The following TBC1D32 variants were observed in gnomAD, a reference collection of about 807,000 sequenced individuals.
TBC1D32 encodes protein broad-minded.
A neutral mutation model predicts 170.3 loss-of-function variants in TBC1D32; 151 were observed. That is an observed-to-expected ratio of 0.89 (90% CI 0.78 to 1.01). The LOEUF is 1.01. TBC1D32 is among the 50% of genes least tolerant of loss of function. The pLI, the probability that TBC1D32 is intolerant of heterozygous loss-of-function variation, is 0.00. For missense variants in TBC1D32, 1,464 were observed against 1,457.1 expected, an observed-to-expected ratio of 1.00 and a Z score of -0.08; for synonymous variants, 498 against 488.0, an observed-to-expected ratio of 1.02 and a Z score of -0.27.
At chr6:121,272,698 T>C (rs145515253) in intron 15 of TBC1D32, among the ~76,000 whole-genome samples, 4,990 of 152,262 alleles carry the variant, frequency 0.033, 197 homozygotes, top group East Asian at 0.12. Context: ...GAAGACAGTG[T>C]GGCAATTCAT....
At chr6:121,234,393 A>C (rs573303196) in intron 20 of TBC1D32, among the ~76,000 whole-genome samples, 1 of 152,204 alleles carries the variant, frequency 6.6e-6, no homozygotes, top group South Asian at 2.1e-4. Context: ...AGCCTCTTGG[A>C]GGCTTTGTTC....
intron 21 of TBC1D32, among the ~76,000 whole-genome samples, chr6:121,212,201 T>C (rs1793155412): frequency 6.6e-6 from 1 of 151,756 alleles, no homozygotes; most frequent in South Asian, 2.1e-4. Context: ...AAAAGGCCAA[T>C]AACAAGCTCC....
chr6:121,238,028 T>C (rs1796527697), intron 20 of TBC1D32, among the ~76,000 whole-genome samples: 3 of 152,124 alleles, frequency 2.0e-5, no homozygotes, highest in African/African-American at 7.2e-5. Flanking sequence ...CTAACACCTA[T>C]GATAGGTAGC....
chr6:121,298,748 C>G (rs547557812), intron 10 of TBC1D32, among the ~76,000 whole-genome samples: 1 of 152,164 alleles, frequency 6.6e-6, no homozygotes, highest in South Asian at 2.1e-4. Context: ...CTACTGCACT[C>G]AACCAAAAAT....
At chr6:121,229,477 T>G (rs1284706879) in intron 20 of TBC1D32, among the ~76,000 whole-genome samples, 1 of 152,084 alleles carries the variant, frequency 6.6e-6, no homozygotes, top group African/African-American at 2.4e-5. Context: ...CTTCCATCCT[T>G]TGGATATATG....
rs1484835079 is a variant in TBC1D32, at chr6:121,326,498, A to AT, written c.156-4705dup. ...TATTATTTGTCATTTTAAAAATAAA[A>AT]TTCATTTTTTAAAAAAATCTCCACC... On this transcript the variant is annotated intron_variant, in intron 1 of 31. Coordinates refer to ENST00000398212, the MANE Select transcript of TBC1D32 (RefSeq NM_152730.6). Among the ~76,000 whole-genome samples, 5 of 152,216 alleles carry AT rather than the reference A, an allele frequency of 3.3e-5. No homozygotes were observed. In the East Asian group the frequency reaches 9.6e-4, roughly 29 times the overall value.
intron 22 of TBC1D32, among the ~76,000 whole-genome samples, chr6:121,171,347 G>A (rs1786968867): frequency 6.9e-6 from 1 of 145,764 alleles, no homozygotes. Flanking sequence ...AGGACCAAAT[G>A]TCAAGATTTT....
chr6:121,185,112 C>A (rs1038485349), intron 22 of TBC1D32, among the ~76,000 whole-genome samples: 1 of 151,666 alleles, frequency 6.6e-6, no homozygotes, highest in South Asian at 2.1e-4. Flanking sequence ...GGTCCATAAA[C>A]CTATACAAAT....
At chr6:121,085,351 A>ATT (rs1480300853) in intron 31 of TBC1D32, among the ~76,000 whole-genome samples, 10 of 111,804 alleles carry the variant, frequency 8.9e-5, no homozygotes, top group Admixed American at 4.9e-4. Flanking sequence ...ATATACATAC[A>ATT]TATATATACA....
chr6:121,292,285 C>T, intron 11 of TBC1D32, 92 bp from the exon 12 acceptor site: 5 of 1,350,204 alleles, frequency 3.7e-6, no homozygotes, highest in Non-Finnish European at 5.0e-6. Flanking sequence ...AACAAGGCTA[C>T]AGGCTAGAAT....
chr6:121,299,576 T>C lies in TBC1D32; in HGVS notation c.1081-71A>G, dbSNP rs1206910007. The C allele has an allele frequency of 5.8e-6, 8 of 1,379,612 alleles. No individual in the cohort carries two copies. In the African/African-American group the frequency reaches 8.7e-5, roughly 15 times the overall value. 85.5% of individuals were successfully genotyped at this position (1,379,612 alleles called of 1,614,324 possible). A position where few individuals can be genotyped will look rare whatever the true frequency, so the allele number is the denominator to read the frequency against. ...CAAAATCTATTTTTCCTGCATGATTTCTAATGACAACATCATAAATCACAC... is the reference window on the plus strand; with the variant it reads ...CAAAATCTATTTTTCCTGCATGATTCCTAATGACAACATCATAAATCACAC... On this transcript the variant is annotated intron_variant, in intron 9 of 31. Transcript: ENST00000398212.
intron 30 of TBC1D32, among the ~76,000 whole-genome samples, chr6:121,097,716 T>A (rs1777583037): frequency 6.6e-6 from 1 of 152,198 alleles, no homozygotes; most frequent in Non-Finnish European, 1.5e-5. Context: ...GGATTATAAA[T>A]CATGCTGCTA....
intron 22 of TBC1D32, among the ~76,000 whole-genome samples, chr6:121,194,310 C>T (rs1054988342): frequency 3.3e-5 from 5 of 152,286 alleles, no homozygotes; most frequent in East Asian, 1.9e-4. Context: ...GTGAGGGCTA[C>T]TATGGTGGGA....
intron 31 of TBC1D32, among the ~76,000 whole-genome samples, chr6:121,086,396 G>T (rs1187230533): frequency 6.6e-6 from 1 of 151,976 alleles, no homozygotes; most frequent in Non-Finnish European, 1.5e-5. Context: ...TAAAATATTT[G>T]CTCAGATGGT....
intron 30 of TBC1D32, among the ~76,000 whole-genome samples, chr6:121,100,520 G>T (rs185001622): frequency 3.2e-4 from 48 of 151,982 alleles, no homozygotes; most frequent in African/African-American, 1.1e-3. Flanking sequence ...CAGAAATAAA[G>T]ATGTTCTTTG....
chr6:121,174,385 A>G (rs563547947), intron 22 of TBC1D32, among the ~76,000 whole-genome samples: 2 of 152,326 alleles, frequency 1.3e-5, no homozygotes, highest in South Asian at 4.1e-4. Context: ...ATCTAAGTAC[A>G]TAAACTGTAC....
intron 29 of TBC1D32, among the ~76,000 whole-genome samples, chr6:121,108,940 A>C (rs1191584796): frequency 6.6e-6 from 1 of 152,164 alleles, no homozygotes; most frequent in Non-Finnish European, 1.5e-5. Context: ...GTAAACAAAA[A>C]ATTTTGCAGA....
intron 27 of TBC1D32, among the ~76,000 whole-genome samples, chr6:121,113,752 A>C (rs1779426460): frequency 6.6e-6 from 1 of 152,126 alleles, no homozygotes; most frequent in African/African-American, 2.4e-5. Flanking sequence ...TCTTACAAAA[A>C]CTTCTGTACT....
intron 31 of TBC1D32, among the ~76,000 whole-genome samples, chr6:121,086,348 T>C (rs1470714150): frequency 2.0e-5 from 3 of 152,168 alleles, no homozygotes; most frequent in African/African-American, 2.4e-5. Context: ...GCAGAAAACG[T>C]ATCTGCAAAA....
Sources: gnomAD v4.1 joint callset for allele counts (sites outside exome capture counted in the v4.1 genomes callset) on GRCh38, gnomAD v4.1.1 for gene constraint, MANE v1.5 for transcripts, NCBI Gene and HGNC (gene_info 2026-07-23, HGNC 2026-07-21) for gene names.